Variants in MATK observed in about 807,000 individuals in gnomAD.
MATK encodes megakaryocyte-associated tyrosine-protein kinase.
MATK carries 41 observed loss-of-function variants against 59.8 expected under a neutral mutation model. That is an observed-to-expected ratio of 0.69 (90% CI 0.53 to 0.89). The LOEUF (loss-of-function observed/expected upper bound fraction) is 0.89. MATK is among the 40% of genes least tolerant of loss of function. The pLI is 0.00. For missense variants in MATK, 593 were observed against 719.6 expected, an observed-to-expected ratio of 0.82 and a Z score of 2.01; for synonymous variants, 308 against 306.1, an observed-to-expected ratio of 1.01 and a Z score of -0.06.
chr19:3,781,259 A>G (rs2037397595), intron 8 of MATK, among the ~76,000 whole-genome samples: 1 of 152,184 alleles, frequency 6.6e-6, no homozygotes, highest in Non-Finnish European at 1.5e-5. Flanking sequence ...GGCCTTTTAC[A>G]GAGAGTCTGC....
chr19:3,790,887 G>C (rs2037534767), upstream of MATK, among the ~76,000 whole-genome samples: 1 of 152,036 alleles, frequency 6.6e-6, no homozygotes, highest in Admixed American at 6.6e-5. Flanking sequence ...TGTGAGCCTG[G>C]CCGTCTCTCC....
At chr19:3,789,568 G>T (rs1181964300), upstream of MATK, among the ~76,000 whole-genome samples, 1 of 152,130 alleles carries the variant, frequency 6.6e-6, no homozygotes, top group Admixed American at 6.6e-5. Flanking sequence ...AGGGCTGGCT[G>T]GGGCAGGGAG....
chr19:3,783,167 C>A lies in MATK; in HGVS notation c.635G>T (p.Arg212Leu). Residue 212 changes from arginine to leucine, a missense_variant, in exon 7 of 14, where the codon CGG (arginine) becomes CTG (leucine). Arg to Leu is a moderately radical substitution (Grantham distance 102, BLOSUM62 -2). Coordinates refer to ENST00000310132, the MANE Select transcript of MATK (RefSeq NM_139355.3). ...AICTKLVRPK[R>L]KHGTKSAEEE... ...CTCGGCCGACTTGGTCCCGTGTTTC[C>A]GCTTTGGTCTCACCAGCTTGGTGCA... 6.2e-7 allele frequency: 1 copy of A among 1,614,108 alleles called. No homozygotes were observed. The highest frequency in any genetic ancestry group is 8.5e-7 in the Non-Finnish European group (1 of 1,179,992).
intron 1 of MATK, among the ~76,000 whole-genome samples, chr19:3,792,783 G>A (rs1396331925): frequency 6.6e-6 from 1 of 152,132 alleles, no homozygotes; most frequent in African/African-American, 2.4e-5. Context: ...CTCCCAAAGT[G>A]CTGGGATTAC....
At chr19:3,782,164 C>A (rs2037411547) in intron 7 of MATK, among the ~76,000 whole-genome samples, 1 of 152,206 alleles carries the variant, frequency 6.6e-6, no homozygotes, top group African/African-American at 2.4e-5. Context: ...CAAAAAAACA[C>A]AACATGGAGA....
intron 8 of MATK, 39 bp downstream of exon 8, chr19:3,781,568 C>A (rs11671881): frequency 0.32 from 507,381 of 1,606,996 alleles, 81,983 homozygotes; most frequent in Admixed American, 0.46. Context: ...ACGCACCTCC[C>A]ATCTTCCTTC....
chr19:3,778,479 A>G, intron 13 of MATK, 30 bp downstream of exon 13: 1 of 1,613,696 alleles, frequency 6.2e-7, no homozygotes. Context: ...CCTGCCCGGA[A>G]CCCAGTGCCT....
rs2037483467 is a variant in MATK, at chr19:3,786,316, G to T, written c.-299C>A. 8.1e-6 allele frequency: 8 copies of T among 984,820 alleles called. No homozygotes were observed. The highest frequency in any genetic ancestry group is 9.6e-6 in the Non-Finnish European group (8 of 829,754). 61.0% of individuals were successfully genotyped at this position (984,820 alleles called of 1,614,324 possible). A position where few individuals can be genotyped will look rare whatever the true frequency, so the allele number is the denominator to read the frequency against. On this transcript the variant is annotated 5_prime_UTR_variant, in exon 1 of 14. Transcript: ENST00000310132. The surrounding 1 kb of genome is among the most constrained non-coding windows in gnomAD (Gnocchi z 4.1). ...ATTTTGGGGGCGAAGAAGGGTCGGGGAGTGGGGGAAAGCGGGAGGCGCCGC... is the reference window on the plus strand; with the variant it reads ...ATTTTGGGGGCGAAGAAGGGTCGGGTAGTGGGGGAAAGCGGGAGGCGCCGC...
rs1331453373 is a variant in MATK at position 3,785,086 on chromosome 19, T to A, written c.50A>T (p.Asp17Val). 6.2e-7 allele frequency: 1 copy of A among 1,613,926 alleles called. No individual in the cohort carries two copies. The highest frequency in any genetic ancestry group is 8.5e-7 in the Non-Finnish European group (1 of 1,179,948). Residue 17 changes from aspartate to valine, a missense_variant, in exon 2 of 14, where the codon GAT becomes GTT. Physicochemically the swap from Asp to Val is radical, Grantham distance 152 (BLOSUM62 -3). Coordinates refer to ENST00000310132, the MANE Select transcript of MATK (RefSeq NM_139355.3). ...LVSWRAFHGC[D>V]SAEELPRVSP... The stretch of plus-strand genomic sequence containing the variant: ...TACCCGGGGAAGTTCCTCAGCAGAA[T>A]CACAGCCGTGAAATGCCCGCCAGGA...
chr19:3,798,124 T>C (rs186280832), intron 1 of MATK, among the ~76,000 whole-genome samples: 3 of 152,318 alleles, frequency 2.0e-5, no homozygotes, highest in Non-Finnish European at 2.9e-5. Context: ...GGCTGTTATA[T>C]CCTCTATGAG....
intron 7 of MATK, among the ~76,000 whole-genome samples, chr19:3,782,215 T>C (rs2037412155): frequency 6.6e-6 from 1 of 152,214 alleles, no homozygotes; most frequent in Non-Finnish European, 1.5e-5. Flanking sequence ...CTAGCCTCCC[T>C]GACCCTTCTC....
At chr19:3,785,541 G>A in intron 1 of MATK, 2 of 288,032 alleles carry the variant, frequency 6.9e-6, no homozygotes, top group South Asian at 7.2e-5. Context: ...GAAGTGGGCG[G>A]TGCTGGGGGG....
intron 1 of MATK, among the ~76,000 whole-genome samples, chr19:3,792,573 G>C (rs2037553622): frequency 6.8e-6 from 1 of 148,014 alleles, no homozygotes; most frequent in Non-Finnish European, 1.5e-5. Context: ...GAGTGCAGTG[G>C]TGCGATCTCA....
At chr19:3,799,970 G>A (rs1193409435) in intron 1 of MATK, among the ~76,000 whole-genome samples, 1 of 148,814 alleles carries the variant, frequency 6.7e-6, no homozygotes, top group Non-Finnish European at 1.5e-5. Context: ...GTGAAACCCC[G>A]TCTCTACTAA....
At chr19:3,787,682 T>G (rs2037501005), upstream of MATK, 1 of 151,718 alleles carries the variant, frequency 6.6e-6, no homozygotes, top group South Asian at 2.1e-4. Context: ...CACCACGCCT[T>G]GCACCTTATC....
At chr19:3,798,322 G>A (rs2037613474) in intron 1 of MATK, among the ~76,000 whole-genome samples, 1 of 150,860 alleles carries the variant, frequency 6.6e-6, no homozygotes, top group African/African-American at 2.4e-5. Flanking sequence ...CTACAGAGCT[G>A]ACGGAAGCCT....
intron 6 of MATK, 136 bp from the exon 7 acceptor site, chr19:3,783,355 G>A (rs2037428819): frequency 1.5e-6 from 1 of 686,580 alleles, no homozygotes; most frequent in Admixed American, 2.2e-5. Flanking sequence ...ATAGGAACGG[G>A]AAAGGAGGCA....
chr19:3,789,387 T>G (rs2037519191), upstream of MATK: 1 of 719,338 alleles, frequency 1.4e-6, no homozygotes, highest in Admixed American at 2.0e-5. Flanking sequence ...CCATGAAGAC[T>G]TTCTCCTCTT....
intron 6 of MATK, 79 bp downstream of exon 6, chr19:3,783,735 T>C: frequency 7.4e-7 from 1 of 1,348,076 alleles, no homozygotes; most frequent in Non-Finnish European, 1.0e-6. Flanking sequence ...CCCGCCCCTC[T>C]ATCTCTACGT....
Sources: allele counts gnomAD v4.1 joint callset (sites outside exome capture counted in the v4.1 genomes callset), GRCh38; gene constraint gnomAD v4.1.1; non-coding constraint Gnocchi (gnomAD v3.1); transcripts MANE v1.5; gene names NCBI Gene and HGNC (gene_info 2026-07-23, HGNC 2026-07-21).